ZNF804B: variants seen among roughly 807,000 people sequenced by gnomAD.
ZNF804B encodes zinc finger 804B.
A neutral mutation model predicts 101.4 loss-of-function variants in ZNF804B; 80 were observed. The ratio of observed to expected loss-of-function variants is 0.79; its 90% CI spans 0.66 to 0.95. ZNF804B has a LOEUF of 0.95. Among genes scored for constraint, ZNF804B ranks in the 40% least tolerant of loss-of-function variants. The pLI, the probability that ZNF804B is intolerant of heterozygous loss-of-function variation, is 0.00. For missense variants in ZNF804B, 1,673 were observed against 1,561.9 expected (o/e 1.07, Z -1.20); for synonymous variants, 622 against 558.8 (o/e 1.11, Z -1.59).
chr7:89,092,115 G>A (rs1046307713), intron 1 of ZNF804B, among the ~76,000 whole-genome samples: 2 of 151,568 alleles, frequency 1.3e-5, no homozygotes, highest in Admixed American at 6.6e-5. Context: ...CAAAACATGT[G>A]GTGTCTGGTG....
intron 2 of ZNF804B, among the ~76,000 whole-genome samples, chr7:89,242,406 T>G (rs971985154): frequency 5.7e-4 from 86 of 152,086 alleles, no homozygotes; most frequent in African/African-American, 2.0e-3. Context: ...TTGTAATTAC[T>G]TTTGTACCAA....
chr7:89,102,243 T>C (rs781327198), intron 1 of ZNF804B, among the ~76,000 whole-genome samples: 11 of 152,032 alleles, frequency 7.2e-5, no homozygotes, highest in Non-Finnish European at 1.5e-4. Context: ...CTTTGAGATA[T>C]TTCCAAACTG....
At chr7:88,794,232 T>C (rs767638947) in intron 1 of ZNF804B, 5 of 1,613,322 alleles carry the variant, frequency 3.1e-6, no homozygotes, top group Middle Eastern at 1.6e-4. Context: ...GAGTGATGTG[T>C]ATGGGTCTAT....
Position 88,823,364 on chromosome 7 carries a change from G to C in ZNF804B, c.108+63280G>C, listed in dbSNP as rs916192792. Among the ~76,000 whole-genome samples the C allele has an allele frequency of 1.3e-5, 2 of 152,122 alleles. 1 individual carries two copies. Among genetic ancestry groups the C allele is most frequent in the Admixed American group, 1.3e-4 (2 of 15,258 alleles). On this transcript the variant is annotated intron_variant, in intron 1 of 3. Transcript: ENST00000333190. ...CTCTTGCACAGGTATAAACAGCCTGGACAGTAATTTTTCCTGAGAATGCAA... is the reference window on the plus strand; with the variant it reads ...CTCTTGCACAGGTATAAACAGCCTGCACAGTAATTTTTCCTGAGAATGCAA...
chr7:89,065,337 G>A (rs1789442509), intron 1 of ZNF804B, among the ~76,000 whole-genome samples: 1 of 152,130 alleles, frequency 6.6e-6, no homozygotes, highest in Admixed American at 6.6e-5. Context: ...AAACAGGTGT[G>A]TTGATTGGAG....
chr7:88,844,197 G>A (rs570887167), intron 1 of ZNF804B, among the ~76,000 whole-genome samples: 5 of 152,184 alleles, frequency 3.3e-5, no homozygotes, highest in East Asian at 3.9e-4. Flanking sequence ...ATGCCAAAGA[G>A]TATCATTACT....
At chr7:89,262,267 C>T (rs371713672) in intron 2 of ZNF804B, among the ~76,000 whole-genome samples, 4 of 152,150 alleles carry the variant, frequency 2.6e-5, no homozygotes, top group Non-Finnish European at 5.9e-5. Flanking sequence ...TCATGTCTTT[C>T]GTCAGTCATG....
intron 1 of ZNF804B, among the ~76,000 whole-genome samples, chr7:88,924,528 C>A (rs1246221455): frequency 6.6e-6 from 1 of 152,134 alleles, no homozygotes; most frequent in African/African-American, 2.4e-5. Context: ...TCTCCTACAT[C>A]ATACCTTTAC....
chr7:89,069,274 G>A (rs1789499655), intron 1 of ZNF804B, among the ~76,000 whole-genome samples: 2 of 152,080 alleles, frequency 1.3e-5, no homozygotes, highest in South Asian at 2.1e-4. Flanking sequence ...AGTTTGATGG[G>A]GCACAAAGTG....
At chr7:89,183,292 A>T (rs1177604585) in intron 1 of ZNF804B, among the ~76,000 whole-genome samples, 1 of 152,068 alleles carries the variant, frequency 6.6e-6, no homozygotes, top group Non-Finnish European at 1.5e-5. Context: ...CCGAAGCCAG[A>T]TCCTGGAGAA....
chr7:88,831,387 T>C (rs1791130290), intron 1 of ZNF804B, among the ~76,000 whole-genome samples: 1 of 151,992 alleles, frequency 6.6e-6, no homozygotes, highest in Non-Finnish European at 1.5e-5. Flanking sequence ...GCCATATTTA[T>C]TTAAGCCATC....
At chr7:89,023,882 C>T (rs1160488477) in intron 1 of ZNF804B, among the ~76,000 whole-genome samples, 1 of 152,114 alleles carries the variant, frequency 6.6e-6, no homozygotes, top group Non-Finnish European at 1.5e-5. Context: ...CACAATTTTC[C>T]CACAGAATAG....
At chr7:88,886,095 G>A (rs1792121378) in intron 1 of ZNF804B, among the ~76,000 whole-genome samples, 1 of 152,008 alleles carries the variant, frequency 6.6e-6, no homozygotes. Flanking sequence ...CATAATTTAG[G>A]AGACGAATTA....
intron 2 of ZNF804B, among the ~76,000 whole-genome samples, chr7:89,270,569 G>A (rs1319479349): frequency 6.6e-6 from 1 of 152,108 alleles, no homozygotes; most frequent in Non-Finnish European, 1.5e-5. Context: ...GGTTCCCTAT[G>A]AACTTTAAAG....
At chr7:89,140,636 T>C (rs963509386) in intron 1 of ZNF804B, among the ~76,000 whole-genome samples, 2 of 152,088 alleles carry the variant, frequency 1.3e-5, no homozygotes, top group Non-Finnish European at 2.9e-5. Context: ...CTGACTTTTC[T>C]TCTGCAGATT....
At chr7:88,803,168 G>A (rs3915330) in intron 1 of ZNF804B, among the ~76,000 whole-genome samples, 58,023 of 151,594 alleles carry the variant, frequency 0.38, 11,479 homozygotes, top group East Asian at 0.51. Flanking sequence ...AAAAAAAAAC[G>A]TTAAAAAATA....
intron 2 of ZNF804B, among the ~76,000 whole-genome samples, chr7:89,259,417 C>T (rs1789679651): frequency 6.6e-6 from 1 of 152,146 alleles, no homozygotes; most frequent in South Asian, 2.1e-4. Context: ...TACCTGGGTA[C>T]AGTTTTCTCC....
At chr7:88,877,038 T>C (rs1375723884) in intron 1 of ZNF804B, among the ~76,000 whole-genome samples, 1 of 48,080 alleles carries the variant, frequency 2.1e-5, no homozygotes, top group Non-Finnish European at 4.0e-5. Context: ...TATATATATA[T>C]ATATATATAT....
chr7:89,161,220 A>T (rs35231166), intron 1 of ZNF804B, among the ~76,000 whole-genome samples: 31,064 of 151,836 alleles, frequency 0.2, 3,383 homozygotes, highest in Middle Eastern at 0.39. Flanking sequence ...GCACATTATG[A>T]TTTCTGAAGT....
Sources: gnomAD v4.1 joint callset for allele counts (sites outside exome capture counted in the v4.1 genomes callset) on GRCh38, gnomAD v4.1.1 for gene constraint, MANE v1.5 for transcripts, NCBI Gene and HGNC (gene_info 2026-07-23, HGNC 2026-07-21) for gene names.